The following IQCM variants were observed in gnomAD, a reference collection of about 807,000 sequenced individuals.
IQCM encodes the protein IQ domain-containing protein M.
Under a neutral mutation model 57.6 loss-of-function variants are expected in IQCM, and 45 were observed. The observed-to-expected ratio is 0.78, with a 90% CI of 0.62 to 1.00. The LOEUF is 1.00. IQCM is among the 50% of genes least tolerant of loss of function. IQCM has a pLI of 0.00. For missense variants in IQCM, 468 were observed against 511.6 expected (o/e 0.91, Z 0.82); for synonymous variants, 148 against 158.9 (o/e 0.93, Z 0.51).
In IQCM at chr4:149,739,635, G is replaced by T. The variant is rs373772713; in HGVS notation, c.37+3020C>A. 2.6e-5 allele frequency among the ~76,000 whole-genome samples: 4 copies of T among 151,878 alleles called. No individual in the cohort carries two copies. The South Asian group carries it at 8.3e-4, about 31-fold the overall frequency. ...ACATAGGATTCTTCATGTTATTAAA[G>T]TTCCCAAAAGCAATAGTAAGTCATT... On this transcript the variant is annotated intron_variant, in intron 3 of 13. Transcript: ENST00000636793.
At chr4:149,412,058 G>A (rs1385860352) in intron 13 of IQCM, among the ~76,000 whole-genome samples, 2 of 122,980 alleles carry the variant, frequency 1.6e-5, no homozygotes, top group Admixed American at 8.6e-5. Context: ...AACATTTAGT[G>A]TGTGTGTTTG....
At chr4:149,734,862 C>T (rs1425665132) in intron 4 of IQCM, among the ~76,000 whole-genome samples, 1 of 152,050 alleles carries the variant, frequency 6.6e-6, no homozygotes, top group Non-Finnish European at 1.5e-5. Context: ...ATTTATTGAG[C>T]CAGGAACAAT....
At chr4:149,775,931 A>G (rs1301632959) in intron 2 of IQCM, among the ~76,000 whole-genome samples, 2 of 152,210 alleles carry the variant, frequency 1.3e-5, no homozygotes, top group Non-Finnish European at 2.9e-5. Context: ...ACCCAGGATG[A>G]CATGTATAAG....
intron 6 of IQCM, 147 bp downstream of exon 6, chr4:149,686,231 C>T (rs1210260654): frequency 2.5e-6 from 1 of 395,716 alleles, no homozygotes; most frequent in African/African-American, 2.1e-5. Flanking sequence ...AATTGATATG[C>T]TTTGAGGAAC....
chr4:149,383,396 A>G (rs1433077270), intron 13 of IQCM, among the ~76,000 whole-genome samples: 1 of 152,188 alleles, frequency 6.6e-6, no homozygotes, highest in East Asian at 1.9e-4. Context: ...GACAGGCACT[A>G]AAACTGTTAT....
At chr4:149,702,278 A>G (rs1260208493) in intron 5 of IQCM, among the ~76,000 whole-genome samples, 1 of 147,918 alleles carries the variant, frequency 6.8e-6, no homozygotes, top group Non-Finnish European at 1.5e-5. Flanking sequence ...CCCTCTATAC[A>G]CTCACTGATG....
chr4:149,759,815 T>C (rs1282110754), intron 2 of IQCM, among the ~76,000 whole-genome samples: 1 of 151,882 alleles, frequency 6.6e-6, no homozygotes, highest in African/African-American at 2.4e-5. Context: ...AAATAAGCAT[T>C]TAAACAAGCA....
intron 12 of IQCM, among the ~76,000 whole-genome samples, chr4:149,464,451 C>G (rs1560872407): frequency 6.6e-6 from 1 of 152,106 alleles, no homozygotes; most frequent in Non-Finnish European, 1.5e-5. Flanking sequence ...CTTGCCAGAG[C>G]CCTCTGGACT....
chr4:149,393,033 G>A (rs893603984), intron 13 of IQCM, among the ~76,000 whole-genome samples: 3 of 151,756 alleles, frequency 2.0e-5, no homozygotes, highest in African/African-American at 7.3e-5. Context: ...AACATAGCTG[G>A]GCACAGTGGC....
chr4:149,627,613 G>A (rs1279976262), intron 7 of IQCM, among the ~76,000 whole-genome samples: 1 of 152,126 alleles, frequency 6.6e-6, no homozygotes, highest in Non-Finnish European at 1.5e-5. Context: ...GAGGGTAAGA[G>A]GTTGTGTGAA....
At chr4:149,707,252 A>AT (rs1355605587) in intron 5 of IQCM, among the ~76,000 whole-genome samples, 1 of 152,046 alleles carries the variant, frequency 6.6e-6, no homozygotes, top group Non-Finnish European at 1.5e-5. Context: ...TTTATTTGTG[A>AT]TTTTAGCTTC....
intron 5 of IQCM, among the ~76,000 whole-genome samples, chr4:149,728,296 G>A (rs973571344): frequency 6.6e-6 from 1 of 151,988 alleles, no homozygotes; most frequent in Admixed American, 6.6e-5. Context: ...TTTCCTCTGG[G>A]AAGTCTTGCA....
At chr4:149,540,327 C>A (rs772104995) in intron 12 of IQCM, among the ~76,000 whole-genome samples, 90 of 149,756 alleles carry the variant, frequency 6.0e-4, no homozygotes, top group Non-Finnish European at 1.1e-3. Flanking sequence ...GAACTAACTA[C>A]CAGGAAGTGC....
chr4:149,534,468 A>G (rs1030325738), intron 12 of IQCM, among the ~76,000 whole-genome samples: 4 of 152,174 alleles, frequency 2.6e-5, no homozygotes, highest in Non-Finnish European at 4.4e-5. Flanking sequence ...TGACAAGTGC[A>G]TATGAAGAAG....
intron 12 of IQCM, among the ~76,000 whole-genome samples, chr4:149,516,253 G>C (rs1485493366): frequency 2.0e-5 from 3 of 152,200 alleles, no homozygotes; most frequent in African/African-American, 7.2e-5. Context: ...GCAGAGGTTT[G>C]TCCTCACTGG....
At chr4:149,405,828 CATATAT>C (rs55914421) in intron 13 of IQCM, among the ~76,000 whole-genome samples, 22 of 135,418 alleles carry the variant, frequency 1.6e-4, no homozygotes, top group African/African-American at 4.9e-4. Context: ...TCCTAAGGAG[CATATAT>C]ATATATATAT....
chr4:149,355,662 A>G (rs1307704028), intron 13 of IQCM, among the ~76,000 whole-genome samples: 3 of 152,082 alleles, frequency 2.0e-5, no homozygotes, highest in Admixed American at 1.3e-4. Flanking sequence ...ATTTGGGTTG[A>G]TTCCAAGTCT....
chr4:149,592,334 T>C (rs1223114637), intron 8 of IQCM, among the ~76,000 whole-genome samples: 2 of 151,998 alleles, frequency 1.3e-5, no homozygotes, highest in Non-Finnish European at 2.9e-5. Flanking sequence ...TTTGTTTAAG[T>C]TCTTTGTAAA....
At chr4:149,582,320 A>G (rs189662908) in intron 9 of IQCM, among the ~76,000 whole-genome samples, 1 of 5,516 alleles carries the variant, frequency 1.8e-4, no homozygotes, top group African/African-American at 6.4e-4. Context: ...ATATATATAT[A>G]TATATATATA....
Sources: allele counts gnomAD v4.1 joint callset (sites outside exome capture counted in the v4.1 genomes callset), GRCh38; gene constraint gnomAD v4.1.1; transcripts MANE v1.5; gene names NCBI Gene and HGNC (gene_info 2026-07-23, HGNC 2026-07-21).